The following DEK variants were observed in gnomAD, a reference collection of about 807,000 sequenced individuals.
The protein encoded by DEK is DEK proto-oncogene.
DEK carries 28 observed loss-of-function variants against 46.8 expected under a neutral mutation model. That is an observed-to-expected ratio of 0.60 (90% CI 0.44 to 0.82). The LOEUF is 0.82. DEK is among the 40% of genes least tolerant of loss of function. The pLI is 0.00. For synonymous variants in DEK, 160 were observed against 144.5 expected (o/e 1.11, Z -0.77); for missense variants, 416 against 430.6 (o/e 0.97, Z 0.30).
At chr6:18,253,600 T>C (rs1024776120) in intron 6 of DEK, among the ~76,000 whole-genome samples, 22 of 152,184 alleles carry the variant, frequency 1.4e-4, no homozygotes, top group African/African-American at 5.3e-4. Context: ...TTACAACTAA[T>C]CTTTAGGAAA....
chr6:18,227,808 T>C (rs1431505777), intron 9 of DEK, among the ~76,000 whole-genome samples: 1 of 152,234 alleles, frequency 6.6e-6, no homozygotes, highest in Non-Finnish European at 1.5e-5. Flanking sequence ...GCAAGTCATC[T>C]GCCAAGTGTC....
intron 4 of DEK, among the ~76,000 whole-genome samples, chr6:18,257,163 T>C (rs752961848): frequency 6.6e-6 from 1 of 152,170 alleles, no homozygotes; most frequent in Non-Finnish European, 1.5e-5. Context: ...AAAAATGAGA[T>C]ACAATTACAC....
chr6:18,252,876 C>A (rs917259458), intron 6 of DEK, among the ~76,000 whole-genome samples: 1 of 152,162 alleles, frequency 6.6e-6, no homozygotes. Context: ...CAACCACACA[C>A]CAGCAGAAAC....
At chr6:18,251,970 A>T (rs1791394224) in intron 6 of DEK, among the ~76,000 whole-genome samples, 1 of 152,190 alleles carries the variant, frequency 6.6e-6, no homozygotes, top group African/African-American at 2.4e-5. Context: ...TTAAAACCAA[A>T]ATCCAAAAAG....
At chr6:18,259,394 CAAAAAAAAAAAAAAAAA>C (rs56704006) in intron 2 of DEK, among the ~76,000 whole-genome samples, 38 of 41,480 alleles carry the variant, frequency 9.2e-4, no homozygotes, top group East Asian at 2.1e-3. Context: ...GACTCCGTCT[CAAAAAAAAAAAAAAAAA>C]AAAAAAAAAA....
At chr6:18,227,818 C>G (rs367709311) in intron 9 of DEK, among the ~76,000 whole-genome samples, 2 of 152,306 alleles carry the variant, frequency 1.3e-5, no homozygotes, top group African/African-American at 2.4e-5. Flanking sequence ...TGCCAAGTGT[C>G]TTTTAGGGAA....
chr6:18,250,362 G>A (rs142924986), intron 6 of DEK, among the ~76,000 whole-genome samples: 12,415 of 151,892 alleles, frequency 0.082, 598 homozygotes, highest in Middle Eastern at 0.13. Flanking sequence ...CCAGCTACTC[G>A]GGAGGCTGAG....
chr6:18,228,529 G>T (rs1308545225), intron 9 of DEK, among the ~76,000 whole-genome samples: 1 of 152,078 alleles, frequency 6.6e-6, no homozygotes, highest in African/African-American at 2.4e-5. Flanking sequence ...GGTGGGTACA[G>T]GACAGTGGGT....
intron 7 of DEK, among the ~76,000 whole-genome samples, chr6:18,243,336 TC>T (rs925103906): frequency 6.7e-6 from 1 of 150,332 alleles, no homozygotes; most frequent in Non-Finnish European, 1.5e-5. Flanking sequence ...TTTTTTTTTC[TC>T]CCACTTAGTA....
In DEK at chr6:18,225,738, GA is replaced by G; in HGVS notation, c.1117-9del. 6.2e-7 allele frequency: 1 copy of G among 1,613,116 alleles called. No homozygotes were observed. The highest frequency in any genetic ancestry group is 8.5e-7 in the Non-Finnish European group (1 of 1,179,492). On this transcript the variant is annotated splice_polypyrimidine_tract_variant and intron_variant, in intron 10 of 10. Transcript: ENST00000652689. ...TCTATCTCAAGAAATTAGCTGTAAT[GA>G]AAGAGAAACATTATTTTGCCATAAA...
At chr6:18,252,433 CAGG>C (rs1185908112) in intron 6 of DEK, among the ~76,000 whole-genome samples, 1 of 136,044 alleles carries the variant, frequency 7.4e-6, no homozygotes, top group Non-Finnish European at 1.5e-5. Context: ...CACCTGAGCC[CAGG>C]AGGTCAAGGT....
At chr6:18,250,514 A>C (rs190406064) in intron 6 of DEK, among the ~76,000 whole-genome samples, 6 of 151,652 alleles carry the variant, frequency 4.0e-5, no homozygotes, top group Non-Finnish European at 7.4e-5. Flanking sequence ...ACTGCCAAAG[A>C]AGCTCCTTGC....
At chr6:18,256,626 T>C (rs1247453646) in intron 4 of DEK, among the ~76,000 whole-genome samples, 171 bp from the exon 5 acceptor site, 3 of 152,196 alleles carry the variant, frequency 2.0e-5, no homozygotes. Context: ...CATTTCTTAT[T>C]CAAAACTGAA....
intron 9 of DEK, among the ~76,000 whole-genome samples, chr6:18,235,830 G>A (rs900632639): frequency 1.3e-5 from 2 of 152,164 alleles, no homozygotes; most frequent in Non-Finnish European, 2.9e-5. Context: ...ATGTAGTAGA[G>A]AATCAATGAA....
Position 18,257,995 on chromosome 6 carries a change from T to C in DEK, c.315A>G (p.Glu105=), listed in dbSNP as rs562651832. 9.3e-6 allele frequency: 15 copies of C among 1,606,646 alleles called. No homozygotes were observed. In the African/African-American group the frequency reaches 1.9e-4, roughly 20 times the overall value. Residue 105 remains glutamate, a synonymous_variant, in exon 4 of 11, where the codon GAA becomes GAG. Coordinates refer to ENST00000652689, the MANE Select transcript of DEK (RefSeq NM_003472.4). ...HFFLSKKKTD[E]LRNLHKLLYN... ...AAAGCAGTTTGTGTAGATTTCTAAG[T>C]TCATCGGTTTTCTTCTTACTTAGAA...
chr6:18,244,666 G>C, intron 7 of DEK: 5 of 863,238 alleles, frequency 5.8e-6, no homozygotes, highest in Non-Finnish European at 8.0e-6. Flanking sequence ...CAACAATTTG[G>C]CTGAGAAAAC....
intron 7 of DEK, among the ~76,000 whole-genome samples, chr6:18,243,995 C>T (rs770951671): frequency 1.3e-4 from 20 of 151,966 alleles, no homozygotes; most frequent in South Asian, 1.0e-3. Flanking sequence ...AAGTACTGAC[C>T]CCCATTTTAA....
At chr6:18,228,138 G>C (rs1444147601) in intron 9 of DEK, among the ~76,000 whole-genome samples, 1 of 152,202 alleles carries the variant, frequency 6.6e-6, no homozygotes, top group African/African-American at 2.4e-5. Flanking sequence ...TTTCTGTAAA[G>C]GGCTAGATGG....
At chr6:18,227,857 T>C (rs961934033) in intron 9 of DEK, among the ~76,000 whole-genome samples, 1 of 152,230 alleles carries the variant, frequency 6.6e-6, no homozygotes, top group Non-Finnish European at 1.5e-5. Flanking sequence ...CCCTTGTTAT[T>C]ATCCAGCACC....
Sources: gnomAD v4.1 joint callset for allele counts (sites outside exome capture counted in the v4.1 genomes callset) on GRCh38, gnomAD v4.1.1 for gene constraint, MANE v1.5 for transcripts, NCBI Gene and HGNC (gene_info 2026-07-23, HGNC 2026-07-21) for gene names.